SLC38A6: variants seen among roughly 807,000 people sequenced by gnomAD.
The protein encoded by SLC38A6 is solute carrier family 38 member 6, also known as N system amino acid transporter NAT-1.
In SLC38A6, 73 loss-of-function variants were observed where a neutral mutation model predicts 65.0. The ratio of observed to expected loss-of-function variants is 1.12; its 90% confidence interval spans 0.93 to 1.37. The LOEUF is 1.37. Among genes scored for constraint, SLC38A6 ranks in the 40% most tolerant of loss-of-function variants. The pLI is 0.00. For missense variants in SLC38A6, 561 were observed against 531.1 expected (o/e 1.06, Z -0.55); for synonymous variants, 183 against 178.8 (o/e 1.02, Z -0.19).
chr14:61,081,918 GTAC>G (rs1463962335), intron 16 of SLC38A6, among the ~76,000 whole-genome samples: 1 of 152,154 alleles, frequency 6.6e-6, no homozygotes. Flanking sequence ...AGGCTGTGTA[GTAC>G]TACATTTTCT....
At chr14:60,991,658 T>G (rs1324629346) in intron 3 of SLC38A6, among the ~76,000 whole-genome samples, 1 of 152,214 alleles carries the variant, frequency 6.6e-6, no homozygotes, top group African/African-American at 2.4e-5. Flanking sequence ...CCCACATGAC[T>G]TTGCTCACTC....
chr14:61,066,568 A>G (rs1013319552), intron 15 of SLC38A6, among the ~76,000 whole-genome samples: 5 of 152,190 alleles, frequency 3.3e-5, no homozygotes, highest in African/African-American at 9.6e-5. Flanking sequence ...ATGGGATGCT[A>G]TAAAGAAAAA....
chr14:61,054,601 G>C (rs565617243), downstream of SLC38A6, among the ~76,000 whole-genome samples: 55 of 152,212 alleles, frequency 3.6e-4, 2 homozygotes, highest in South Asian at 0.011. Flanking sequence ...TCCCTGGTTA[G>C]CTGTATTCCT....
At chr14:61,022,709 T>G (rs754400653) in intron 5 of SLC38A6, among the ~76,000 whole-genome samples, 1 of 152,122 alleles carries the variant, frequency 6.6e-6, no homozygotes, top group Non-Finnish European at 1.5e-5. Context: ...ATTATCTGAC[T>G]TTTGCAGTGG....
chr14:61,030,301 A>T (rs959326771), intron 5 of SLC38A6, 144 bp from the exon 6 acceptor site: 1 of 438,198 alleles, frequency 2.3e-6, no homozygotes, highest in East Asian at 4.4e-5. Context: ...GTGTGTGTGT[A>T]TGTATCTTTG....
intron 1 of SLC38A6, 122 bp downstream of exon 1, chr14:60,981,504 T>G (rs960040780): frequency 5.2e-6 from 8 of 1,534,390 alleles, no homozygotes; most frequent in Non-Finnish European, 7.0e-6. Flanking sequence ...GCCTGAACCC[T>G]GGGGGATGGG....
intron 3 of SLC38A6, among the ~76,000 whole-genome samples, chr14:60,995,723 T>A (rs535690789): frequency 6.6e-6 from 1 of 152,290 alleles, no homozygotes; most frequent in African/African-American, 2.4e-5. Flanking sequence ...TCTCTGTGTA[T>A]ATCAAAACAT....
At chr14:60,981,964 G>T (rs2037073077) in intron 1 of SLC38A6, among the ~76,000 whole-genome samples, 1 of 152,138 alleles carries the variant, frequency 6.6e-6, no homozygotes, top group South Asian at 2.1e-4. Flanking sequence ...TGGGGAGGGG[G>T]ATGTTTTCAG....
intron 3 of SLC38A6, among the ~76,000 whole-genome samples, chr14:61,006,998 A>G (rs1054884729): frequency 2.6e-5 from 4 of 152,242 alleles, no homozygotes; most frequent in African/African-American, 9.6e-5. Flanking sequence ...CAGCCATAAA[A>G]AATGATGAGT....
intron 10 of SLC38A6, among the ~76,000 whole-genome samples, chr14:61,044,306 A>G (rs1010702189): frequency 6.6e-6 from 1 of 152,154 alleles, no homozygotes; most frequent in Non-Finnish European, 1.5e-5. Flanking sequence ...TTTTATCTCT[A>G]GTTTTTAAAT....
intron 3 of SLC38A6, among the ~76,000 whole-genome samples, chr14:60,990,459 T>A (rs930005905): frequency 2.0e-5 from 3 of 152,116 alleles, no homozygotes; most frequent in African/African-American, 7.2e-5. Flanking sequence ...AGCTCAGATT[T>A]GTAAAACTCC....
chr14:61,012,578 G>A (rs548228357), intron 3 of SLC38A6, among the ~76,000 whole-genome samples: 27 of 152,222 alleles, frequency 1.8e-4, no homozygotes, highest in Admixed American at 1.4e-3. Context: ...ATTCTGGTAT[G>A]TTGTGTCTTT....
At chr14:61,034,578 G>A (rs904680074) in intron 6 of SLC38A6, among the ~76,000 whole-genome samples, 1 of 152,106 alleles carries the variant, frequency 6.6e-6, no homozygotes, top group Admixed American at 6.5e-5. Flanking sequence ...AGAGCCCTGG[G>A]CCTTTTGCCA....
downstream of SLC38A6, chr14:61,052,966 C>T (rs566182221): frequency 6.6e-6 from 1 of 152,580 alleles, no homozygotes; most frequent in South Asian, 2.1e-4. Context: ...ATTTGTTATA[C>T]AGATTATTTC....
chr14:60,982,644 T>A lies in SLC38A6; in HGVS notation c.236+6T>A. On this transcript the variant is annotated splice_donor_region_variant and intron_variant, in intron 2 of 15. Coordinates refer to ENST00000267488, the MANE Select transcript of SLC38A6 (RefSeq NM_153811.3). ...ACCGGTGTCTTTGGATTTAGGTGAGTCTTCATATTTTAGCATCAAATTTTT... is the reference window on the plus strand; with the variant it reads ...ACCGGTGTCTTTGGATTTAGGTGAGACTTCATATTTTAGCATCAAATTTTT... 6.3e-7 allele frequency: 1 copy of A among 1,595,636 alleles called. No individual in the cohort carries two copies. Among genetic ancestry groups the A allele is most frequent in the Non-Finnish European group, 8.5e-7 (1 of 1,174,832 alleles).
chr14:61,016,306 GA>G (rs2040005517), intron 4 of SLC38A6, among the ~76,000 whole-genome samples: 1 of 152,090 alleles, frequency 6.6e-6, no homozygotes, highest in South Asian at 2.1e-4. Flanking sequence ...GACAAGAAAA[GA>G]AAAGCAACAT....
chr14:61,014,562 G>T (rs1218710851), intron 3 of SLC38A6, among the ~76,000 whole-genome samples: 1 of 152,072 alleles, frequency 6.6e-6, no homozygotes, highest in Non-Finnish European at 1.5e-5. Context: ...GTGGGGTTTT[G>T]GTGTGGATGT....
chr14:61,043,031 C>A, intron 8 of SLC38A6, 116 bp from the exon 9 acceptor site: 1 of 649,196 alleles, frequency 1.5e-6, no homozygotes, highest in Non-Finnish European at 2.6e-6. Flanking sequence ...GTCACAGAAG[C>A]AGAGACTCTT....
At chr14:61,023,152 T>G (rs1262093013) in intron 5 of SLC38A6, among the ~76,000 whole-genome samples, 1 of 152,128 alleles carries the variant, frequency 6.6e-6, no homozygotes, top group Non-Finnish European at 1.5e-5. Flanking sequence ...GAATATACTA[T>G]GTAAGTGATA....
Sources: gnomAD v4.1 joint callset for allele counts (sites outside exome capture counted in the v4.1 genomes callset) on GRCh38, gnomAD v4.1.1 for gene constraint, MANE v1.5 for transcripts, NCBI Gene and HGNC (gene_info 2026-07-23, HGNC 2026-07-21) for gene names.